Variants in BICD2 observed in about 807,000 individuals in gnomAD.
BICD2 encodes the protein BICD cargo adaptor 2.
BICD2 carries 25 observed loss-of-function variants against 72.9 expected under a neutral mutation model. The observed-to-expected ratio is 0.34, with a 90% CI of 0.25 to 0.48. The LOEUF is 0.48. BICD2 is among the 20% of genes least tolerant of loss of function. The probability of loss-of-function intolerance (pLI) is 0.99; values close to 1 mark genes in which losing one functional copy is unlikely to be tolerated. For synonymous variants in BICD2, 501 were observed against 516.1 expected, an observed-to-expected ratio of 0.97 and a Z score of 0.40; for missense variants, 894 against 1,175.2, an observed-to-expected ratio of 0.76 and a Z score of 3.50.
chr9:92,722,839 G>A (rs779055861), intron 2 of BICD2, 31 bp from the exon 3 acceptor site: 3 of 1,613,522 alleles, frequency 1.9e-6, no homozygotes, highest in South Asian at 2.2e-5. Flanking sequence ...GCAGGTATGA[G>A]CAGCCTCCAC....
intron 1 of BICD2, among the ~76,000 whole-genome samples, chr9:92,750,094 G>C (rs1273094912): frequency 6.6e-6 from 1 of 152,264 alleles, no homozygotes; most frequent in Non-Finnish European, 1.5e-5. Context: ...CAGTCAGCAA[G>C]TGGCAGGAGA....
chr9:92,753,638 A>G (rs1227064627), intron 1 of BICD2, among the ~76,000 whole-genome samples: 1 of 151,878 alleles, frequency 6.6e-6, no homozygotes, highest in Non-Finnish European at 1.5e-5. Flanking sequence ...TTCCGGGTTC[A>G]CATCATTCTC....
At chr9:92,719,684 G>C in intron 4 of BICD2, 102 bp from the exon 5 acceptor site, 1 of 1,287,880 alleles carries the variant, frequency 7.8e-7, no homozygotes, top group Non-Finnish European at 1.0e-6. Context: ...CCATGTCAGG[G>C]CAGGCTGTCA....
intron 2 of BICD2, among the ~76,000 whole-genome samples, chr9:92,728,282 A>C (rs920308857): frequency 6.6e-6 from 1 of 152,188 alleles, no homozygotes; most frequent in Non-Finnish European, 1.5e-5. Context: ...CTTTGCCCCT[A>C]TCAGGGCCCA....
In BICD2 at chr9:92,715,414, C is replaced by A; in HGVS notation, c.2308G>T (p.Ala770Ser). Residue 770 changes from alanine (A) to serine (S), a missense_variant, in exon 7 of 7, where the codon GCT becomes TCT. Coordinates refer to ENST00000356884, the MANE Select transcript of BICD2 (RefSeq NM_001003800.2). ...AGCGTCTTCTTCTCGTCCTCAGCAG[C>A]CGCCAGCTGCCGCTGCATCTCATCC... is the stretch of plus-strand genomic sequence containing the variant. Reference protein sequence around the residue: ...QLDEMQRQLAAAEDEKKTLNS... With the variant: ...QLDEMQRQLASAEDEKKTLNS... 6.2e-7 allele frequency: 1 copy of A among 1,604,500 alleles called. No individual in the cohort carries two copies. Among genetic ancestry groups the A allele is most frequent in the Non-Finnish European group, 8.5e-7 (1 of 1,172,878 alleles).
chr9:92,714,414 C>T lies in BICD2; in HGVS notation c.*740G>A. 1.0e-6 allele frequency: 1 copy of T among 985,468 alleles called. No individual in the cohort carries two copies. The highest frequency in any genetic ancestry group is 1.2e-6 in the Non-Finnish European group (1 of 829,960). 61.0% of individuals were successfully genotyped at this position (985,468 alleles called of 1,614,324 possible). On this transcript the variant is annotated 3_prime_UTR_variant, in exon 7 of 7. Coordinates refer to ENST00000356884, the MANE Select transcript of BICD2 (RefSeq NM_001003800.2). ...TCTCATGAAAAATGAAAACCTGGGG[C>T]CTTGGGCCCTGCCAATCTGTCACCT...
intron 3 of BICD2, among the ~76,000 whole-genome samples, chr9:92,721,784 C>A (rs897545522): frequency 6.6e-6 from 1 of 152,236 alleles, no homozygotes; most frequent in Non-Finnish European, 1.5e-5. Flanking sequence ...GGCCACCATG[C>A]GCTGGGCTCT....
chr9:92,759,005 AAAT>A (rs995774986), intron 1 of BICD2, among the ~76,000 whole-genome samples: 2 of 151,910 alleles, frequency 1.3e-5, no homozygotes, highest in Admixed American at 6.6e-5. Context: ...CAAAATAAAT[AAAT>A]AATAATAATA....
intron 1 of BICD2, among the ~76,000 whole-genome samples, chr9:92,738,162 T>C (rs548179074): frequency 2.0e-5 from 3 of 152,352 alleles, no homozygotes; most frequent in Admixed American, 1.3e-4. Context: ...CCGCCCTCAC[T>C]GTGCCTGTCA....
At chr9:92,752,219 T>A (rs1309654224) in intron 1 of BICD2, among the ~76,000 whole-genome samples, 2 of 152,096 alleles carry the variant, frequency 1.3e-5, no homozygotes, top group African/African-American at 2.4e-5. Context: ...GTTTCTAACA[T>A]CTTTCTCAAC....
chr9:92,755,833 A>C (rs1854243147), intron 1 of BICD2, among the ~76,000 whole-genome samples: 1 of 152,226 alleles, frequency 6.6e-6, no homozygotes, highest in Admixed American at 6.5e-5. Context: ...ATGCCTGCAA[A>C]GCAGCTGCGT....
At chr9:92,757,741 A>G (rs1028067381) in intron 1 of BICD2, among the ~76,000 whole-genome samples, 2 of 152,108 alleles carry the variant, frequency 1.3e-5, no homozygotes, top group Non-Finnish European at 2.9e-5. Context: ...TTTCTTAGCA[A>G]AACAACTGAT....
rs139738970 is a variant in BICD2 at position 92,746,177 on chromosome 9, G to A, written c.241-16941C>T. 9.1e-3 allele frequency among the ~76,000 whole-genome samples: 1,386 copies of A among 152,256 alleles called. 23 individuals carry two copies. Among genetic ancestry groups the A allele is most frequent in the African/African-American group, 0.032 (1,324 of 41,534 alleles). ...AGTGAAAGGACTGGCCCTCCTGCTCGGACATGTTGATATGTGAATACAGTG... is the reference window on the plus strand; with the variant it reads ...AGTGAAAGGACTGGCCCTCCTGCTCAGACATGTTGATATGTGAATACAGTG... On this transcript the variant is annotated intron_variant, in intron 1 of 6. Coordinates refer to ENST00000356884, the MANE Select transcript of BICD2 (RefSeq NM_001003800.2).
At chr9:92,724,283 T>C (rs184567002) in intron 2 of BICD2, among the ~76,000 whole-genome samples, 2 of 152,246 alleles carry the variant, frequency 1.3e-5, no homozygotes, top group Admixed American at 6.5e-5. Context: ...ACATACTTTA[T>C]AGACAAGATT....
Position 92,713,514 on chromosome 9 carries a change from T to C in BICD2, c.*1640A>G, listed in dbSNP as rs540452114. Reference sequence around the variant, plus strand: ...GAAAGCGGTCATCTGTCGCTTCCTGTTTATCTGACAATTGAAGCTCTCCAC... The same window carrying C: ...GAAAGCGGTCATCTGTCGCTTCCTGCTTATCTGACAATTGAAGCTCTCCAC... On this transcript the variant is annotated 3_prime_UTR_variant, in exon 7 of 7. Transcript: ENST00000356884. 56 of 1,568,280 alleles carry C rather than the reference T, an allele frequency of 3.6e-5. No homozygotes were observed. The highest frequency in any genetic ancestry group is 4.8e-5 in the Non-Finnish European group (56 of 1,155,278).
intron 1 of BICD2, among the ~76,000 whole-genome samples, chr9:92,756,866 CAA>C (rs61466993): frequency 0.048 from 5,937 of 123,584 alleles, 172 homozygotes; most frequent in South Asian, 0.13. Flanking sequence ...GACTCCGTCT[CAA>C]AAAAAAAAAA....
At position 92,719,190 on chromosome 9, in the gene BICD2, G is replaced by A. The variant is rs1469438892; in HGVS notation, c.1455C>T (p.Val485=). 3.7e-6 allele frequency: 6 copies of A among 1,610,706 alleles called. No homozygotes were observed. Among genetic ancestry groups the A allele is most frequent in the Non-Finnish European group, 5.1e-6 (6 of 1,179,984 alleles). Residue 485 remains valine, a synonymous_variant, in exon 5 of 7, where the codon GTC becomes GTT. Coordinates refer to ENST00000356884, the MANE Select transcript of BICD2 (RefSeq NM_001003800.2). ...EAEGQALTEK[V]SLLEKASRQD... is the part of the protein sequence containing the mutation. ...GGCGGCTGGCCTTCTCTAGCAGGGA[G>A]ACCTTCTCCGTGAGTGCCTGGCCCT...
chr9:92,735,997 A>G (rs1000162516), intron 1 of BICD2, among the ~76,000 whole-genome samples: 4 of 152,210 alleles, frequency 2.6e-5, no homozygotes, highest in Admixed American at 1.3e-4. Context: ...GGAACTGATC[A>G]TGTGACTCTG....
chr9:92,750,510 T>C (rs778205406), intron 1 of BICD2, among the ~76,000 whole-genome samples: 2 of 152,036 alleles, frequency 1.3e-5, no homozygotes, highest in African/African-American at 2.4e-5. Context: ...TAAGTGCATA[T>C]TGCTAAGTGA....
Sources: allele counts gnomAD v4.1 joint callset (sites outside exome capture counted in the v4.1 genomes callset), GRCh38; gene constraint gnomAD v4.1.1; transcripts MANE v1.5; gene names NCBI Gene and HGNC (gene_info 2026-07-23, HGNC 2026-07-21).